The following BTRC variants were observed in gnomAD, a reference collection of about 807,000 sequenced individuals.
BTRC encodes beta-transducin repeat containing E3 ubiquitin protein ligase, also known as F-box/WD repeat-containing protein 1A.
A neutral mutation model predicts 85.5 loss-of-function variants in BTRC; 42 were observed. The ratio of observed to expected loss-of-function variants is 0.49; its 90% CI spans 0.38 to 0.64. The LOEUF (loss-of-function observed/expected upper bound fraction) is 0.64. BTRC is among the 30% of genes least tolerant of loss of function. BTRC has a pLI of 0.00. For missense variants in BTRC, 594 were observed against 743.5 expected, an observed-to-expected ratio of 0.80 and a Z score of 2.34; for synonymous variants, 255 against 263.3, an observed-to-expected ratio of 0.97 and a Z score of 0.30.
At chr10:101,422,624 C>A (rs1025485209) in intron 1 of BTRC, among the ~76,000 whole-genome samples, 1 of 152,156 alleles carries the variant, frequency 6.6e-6, no homozygotes, top group Non-Finnish European at 1.5e-5. Context: ...AGTCTTTACT[C>A]CACCTTGAAT....
At chr10:101,373,307 G>C (rs1161867235) in intron 1 of BTRC, among the ~76,000 whole-genome samples, 1 of 152,210 alleles carries the variant, frequency 6.6e-6, no homozygotes, top group African/African-American at 2.4e-5. Flanking sequence ...AGGGGTACCA[G>C]AGAGGCAGGG....
chr10:101,424,918 G>A (rs929609590), intron 1 of BTRC, among the ~76,000 whole-genome samples: 1 of 152,166 alleles, frequency 6.6e-6, no homozygotes, highest in Admixed American at 6.5e-5. Flanking sequence ...AGAGTGCAAA[G>A]TACCCATAGG....
intron 11 of BTRC, among the ~76,000 whole-genome samples, chr10:101,536,150 G>A (rs1399755881): frequency 6.6e-6 from 1 of 152,214 alleles, no homozygotes; most frequent in African/African-American, 2.4e-5. Flanking sequence ...GTGGCAGAGG[G>A]GGAGGTGCTT....
intron 1 of BTRC, among the ~76,000 whole-genome samples, chr10:101,356,659 T>C (rs367570614): frequency 1.1e-4 from 16 of 152,248 alleles, no homozygotes; most frequent in South Asian, 2.1e-4. Context: ...TGAGAAAAGG[T>C]CAACTAGAAG....
intron 4 of BTRC, among the ~76,000 whole-genome samples, chr10:101,506,212 C>T (rs1269917465): frequency 1.3e-5 from 2 of 152,226 alleles, no homozygotes; most frequent in East Asian, 1.9e-4. Flanking sequence ...CTGTAGTTTT[C>T]GCGCCTGGCT....
intron 1 of BTRC, among the ~76,000 whole-genome samples, chr10:101,369,696 C>T (rs1462913021): frequency 6.6e-6 from 1 of 152,180 alleles, no homozygotes; most frequent in Non-Finnish European, 1.5e-5. Flanking sequence ...CACAGGTGCA[C>T]ATTGCACATT....
chr10:101,526,333 G>A, intron 6 of BTRC, 134 bp downstream of exon 6: 2 of 780,894 alleles, frequency 2.6e-6, no homozygotes, highest in South Asian at 2.0e-5. Context: ...AGCTTAAAAT[G>A]TAACAGAGAA....
At chr10:101,533,091 T>A (rs757134607) in intron 9 of BTRC, 21 bp downstream of exon 9, 2 of 1,521,480 alleles carry the variant, frequency 1.3e-6, no homozygotes, top group Non-Finnish European at 1.8e-6. Context: ...TCAAATGCTT[T>A]TTTGAACTCT....
intron 1 of BTRC, among the ~76,000 whole-genome samples, chr10:101,358,314 G>A (rs1324421308): frequency 6.6e-6 from 1 of 151,968 alleles, no homozygotes; most frequent in Non-Finnish European, 1.5e-5. Flanking sequence ...TTGTTGACAG[G>A]GGTGGTTTTT....
At chr10:101,544,839 C>T (rs1398486620) in intron 13 of BTRC, among the ~76,000 whole-genome samples, 1 of 152,124 alleles carries the variant, frequency 6.6e-6, no homozygotes, top group African/African-American at 2.4e-5. Context: ...CGGTGGATTG[C>T]TTGAACTCAG....
intron 1 of BTRC, among the ~76,000 whole-genome samples, chr10:101,381,000 T>C (rs2133959292): frequency 6.6e-6 from 1 of 152,232 alleles, no homozygotes. Context: ...ATAGAAAGGG[T>C]ACGGTAAAAA....
At chr10:101,429,172 T>C (rs1201191861) in intron 1 of BTRC, among the ~76,000 whole-genome samples, 1 of 152,186 alleles carries the variant, frequency 6.6e-6, no homozygotes, top group Non-Finnish European at 1.5e-5. Flanking sequence ...ATATGTGCCA[T>C]GATTAGGTAT....
At chr10:101,357,182 C>A (rs1480133864) in intron 1 of BTRC, among the ~76,000 whole-genome samples, 2 of 149,092 alleles carry the variant, frequency 1.3e-5, no homozygotes, top group African/African-American at 4.9e-5. Context: ...GTGGCTCATG[C>A]CTGTAATCCC....
chr10:101,435,389 G>C (rs939687793), intron 2 of BTRC, among the ~76,000 whole-genome samples: 1 of 151,976 alleles, frequency 6.6e-6, no homozygotes, highest in Non-Finnish European at 1.5e-5. Context: ...TTACTGTTCT[G>C]ATTTGTCACC....
intron 13 of BTRC, among the ~76,000 whole-genome samples, chr10:101,542,887 T>C (rs2062489855): frequency 6.6e-6 from 1 of 152,100 alleles, no homozygotes; most frequent in Non-Finnish European, 1.5e-5. Flanking sequence ...TTGTTGTCGT[T>C]GTTTTTGAGA....
intron 4 of BTRC, among the ~76,000 whole-genome samples, chr10:101,490,469 A>G (rs141582880): frequency 1.2e-3 from 178 of 152,332 alleles, no homozygotes; most frequent in African/African-American, 4.2e-3. Context: ...AGATAAGTTA[A>G]ACCTTTTCCA....
At position 101,502,392 on chromosome 10, in the gene BTRC, GA is replaced by G. The variant is rs71472576; in HGVS notation, c.325-19236del. ...GCAATAGCTCTGAAAGATTGAAAAT[GA>G]AAAAAAAAAATCAATGGCAAATGTC... is the stretch of plus-strand genomic sequence containing the variant. On this transcript the variant is annotated intron_variant, in intron 4 of 14. Transcript: ENST00000370187. Among the ~76,000 whole-genome samples the G allele has an allele frequency of 3.0e-3, 438 of 145,854 alleles. 4 individuals are homozygous for G. Among genetic ancestry groups the G allele is most frequent in the African/African-American group, 9.7e-3 (388 of 40,032 alleles).
intron 1 of BTRC, among the ~76,000 whole-genome samples, chr10:101,367,289 C>G (rs1324122166): frequency 6.6e-6 from 1 of 150,744 alleles, no homozygotes; most frequent in Non-Finnish European, 1.5e-5. Context: ...AGGATGGTCT[C>G]TATCTCTTGA....
rs200873141 is a variant in BTRC at position 101,407,123 on chromosome 10, C to T, written c.49-23222C>T. 7.9e-5 allele frequency among the ~76,000 whole-genome samples: 12 copies of T among 152,134 alleles called. No homozygotes were observed. The East Asian group carries it at 1.2e-3, about 15-fold the overall frequency. ...TTGTAATCCCAGCGTTTTAGGAGGC[C>T]GAGGTGGGAGGATCAGTTGAGGCCA... On this transcript the variant is annotated intron_variant, in intron 1 of 14. Coordinates refer to ENST00000370187, the MANE Select transcript of BTRC (RefSeq NM_033637.4).
Sources: allele counts gnomAD v4.1 joint callset (sites outside exome capture counted in the v4.1 genomes callset), GRCh38; gene constraint gnomAD v4.1.1; transcripts MANE v1.5; gene names NCBI Gene and HGNC (gene_info 2026-07-23, HGNC 2026-07-21).